ZNF280D: variants seen among roughly 807,000 people sequenced by gnomAD.
The protein encoded by ZNF280D is zinc finger protein 280D.
Under a neutral mutation model 94.7 loss-of-function variants are expected in ZNF280D, and 39 were observed. The ratio of observed to expected loss-of-function variants is 0.41; its 90% CI spans 0.32 to 0.54. The LOEUF is 0.54. ZNF280D is among the 20% of genes least tolerant of loss of function. The probability of loss-of-function intolerance (pLI) is 0.22; values close to 1 mark genes in which losing one functional copy is unlikely to be tolerated. For synonymous variants in ZNF280D, 398 were observed against 377.6 expected (o/e 1.05, Z -0.63); for missense variants, 1,090 against 1,149.3 (o/e 0.95, Z 0.75).
At chr15:56,650,661 G>A (rs1387999718) in intron 19 of ZNF280D, among the ~76,000 whole-genome samples, 1 of 152,094 alleles carries the variant, frequency 6.6e-6, no homozygotes, top group East Asian at 1.9e-4. Context: ...ATTTACCACA[G>A]ATTCTTACAC....
At chr15:56,704,720 C>A (rs1382878243) in intron 3 of ZNF280D, among the ~76,000 whole-genome samples, 1 of 152,146 alleles carries the variant, frequency 6.6e-6, no homozygotes, top group East Asian at 1.9e-4. Flanking sequence ...GTGGCTCACA[C>A]TTGTAATCCC....
chr15:56,723,620 G>GT (rs1374995874), intron 1 of ZNF280D, among the ~76,000 whole-genome samples: 7 of 151,992 alleles, frequency 4.6e-5, no homozygotes, highest in African/African-American at 7.3e-5. Flanking sequence ...ATCCCTGGAG[G>GT]TTTTTTTCAA....
chr15:56,640,849 T>C (rs1458295151), intron 20 of ZNF280D, among the ~76,000 whole-genome samples: 1 of 152,170 alleles, frequency 6.6e-6, no homozygotes, highest in Non-Finnish European at 1.5e-5. Flanking sequence ...TGATTGTATG[T>C]TATTGATATC....
chr15:56,642,586 A>G (rs2052682444), intron 20 of ZNF280D, among the ~76,000 whole-genome samples: 1 of 151,814 alleles, frequency 6.6e-6, no homozygotes, highest in Non-Finnish European at 1.5e-5. Context: ...ACCTTTTGAC[A>G]GTTAAAATAT....
intron 19 of ZNF280D, among the ~76,000 whole-genome samples, chr15:56,649,430 C>A (rs2053084775): frequency 6.6e-6 from 1 of 152,060 alleles, no homozygotes; most frequent in Admixed American, 6.6e-5. Context: ...CAATTACATA[C>A]CAGGAGCAAA....
chr15:56,653,699 C>G (rs748131869), intron 19 of ZNF280D: 1 of 1,326,530 alleles, frequency 7.5e-7, no homozygotes, highest in Non-Finnish European at 9.6e-7. Flanking sequence ...AGAAAGCAGA[C>G]AAACAGACAA....
intron 9 of ZNF280D, among the ~76,000 whole-genome samples, chr15:56,686,722 CT>C (rs1198047541): frequency 6.6e-6 from 1 of 152,090 alleles, no homozygotes; most frequent in Non-Finnish European, 1.5e-5. Context: ...TGAATACCCC[CT>C]ATACTTTACA....
At chr15:56,668,748 T>C in intron 14 of ZNF280D, 75 bp downstream of exon 14, 1 of 1,322,886 alleles carries the variant, frequency 7.6e-7, no homozygotes, top group South Asian at 1.5e-5. Flanking sequence ...AAAAATACAT[T>C]CAATATATAA....
chr15:56,722,696 C>T (rs896644593), intron 1 of ZNF280D, among the ~76,000 whole-genome samples: 1 of 152,110 alleles, frequency 6.6e-6, no homozygotes, highest in African/African-American at 2.4e-5. Flanking sequence ...TAGAACTAGA[C>T]ATACCATTTG....
intron 19 of ZNF280D, among the ~76,000 whole-genome samples, chr15:56,648,520 T>C (rs1372098966): frequency 6.6e-6 from 1 of 151,748 alleles, no homozygotes; most frequent in African/African-American, 2.4e-5. Context: ...AGAGAAGCAA[T>C]AGAGGATACT....
rs140211874 is a variant in ZNF280D at position 56,674,552 on chromosome 15, G to A, written c.1410+2118C>T. Among the ~76,000 whole-genome samples, 16 of 152,154 alleles carry A rather than the reference G, an allele frequency of 1.1e-4. No homozygotes were observed. In the East Asian group the frequency reaches 2.9e-3, roughly 28 times the overall value. The stretch of plus-strand genomic sequence containing the variant: ...CTGGTAGAGCAGTAAAAGCTTGGAT[G>A]CTAAGTCAAATTTTGACTCTGCCTT... On this transcript the variant is annotated intron_variant, in intron 13 of 21. Transcript: ENST00000267807.
chr15:56,675,757 C>T (rs2055190163), intron 13 of ZNF280D, among the ~76,000 whole-genome samples: 2 of 152,050 alleles, frequency 1.3e-5, no homozygotes, highest in South Asian at 4.1e-4. Flanking sequence ...CTGAAAATGA[C>T]AGCAAAGTGA....
intron 17 of ZNF280D, among the ~76,000 whole-genome samples, chr15:56,657,994 T>A (rs144861205): frequency 6.6e-6 from 1 of 152,176 alleles, no homozygotes; most frequent in Non-Finnish European, 1.5e-5. Context: ...TGATGTACCT[T>A]TACAATGGGT....
chr15:56,721,517 T>G (rs1202878861), intron 1 of ZNF280D, among the ~76,000 whole-genome samples: 1 of 152,262 alleles, frequency 6.6e-6, no homozygotes, highest in African/African-American at 2.4e-5. Context: ...CCTCATAAAT[T>G]ATCTTAGGTA....
rs1566959602 is a variant in ZNF280D, at chr15:56,669,884, TA to T, written c.1411-928del. 1.1e-3 allele frequency among the ~76,000 whole-genome samples: 8 copies of T among 7,460 alleles called. 1 individual carries two copies. The highest frequency in any genetic ancestry group is 2.1e-3 in the African/African-American group (7 of 3,290). 4.9% of individuals were successfully genotyped at this position (7,460 alleles called of 152,430 possible). ...TATATATATATATTTTATATATATA[TA>T]TATTATATATATATATAATATATAT... On this transcript the variant is annotated intron_variant, in intron 13 of 21. Coordinates refer to ENST00000267807, the MANE Select transcript of ZNF280D (RefSeq NM_017661.4).
At chr15:56,717,892 T>C (rs1440622102) in intron 1 of ZNF280D, among the ~76,000 whole-genome samples, 2 of 152,080 alleles carry the variant, frequency 1.3e-5, no homozygotes. Flanking sequence ...CATCTCAATA[T>C]AAGAACAAAA....
chr15:56,691,317 A>G (rs935471845), intron 7 of ZNF280D, among the ~76,000 whole-genome samples: 1 of 152,142 alleles, frequency 6.6e-6, no homozygotes, highest in Non-Finnish European at 1.5e-5. Context: ...ATACTCGATT[A>G]CTGATAGATA....
intron 1 of ZNF280D, among the ~76,000 whole-genome samples, chr15:56,719,007 C>T (rs2058195573): frequency 6.6e-6 from 1 of 152,166 alleles, no homozygotes; most frequent in Non-Finnish European, 1.5e-5. Context: ...TCACTTCCTC[C>T]TTAAATAATG....
chr15:56,705,071 G>C (rs972905170), intron 3 of ZNF280D, among the ~76,000 whole-genome samples: 2 of 151,986 alleles, frequency 1.3e-5, no homozygotes, highest in Non-Finnish European at 1.5e-5. Context: ...TTCAATTAAA[G>C]GCAAAGTAGA....
Sources: gnomAD v4.1 joint callset for allele counts (sites outside exome capture counted in the v4.1 genomes callset) on GRCh38, gnomAD v4.1.1 for gene constraint, MANE v1.5 for transcripts, NCBI Gene and HGNC (gene_info 2026-07-23, HGNC 2026-07-21) for gene names.